Variants in FAT3 observed in about 807,000 individuals in gnomAD.
The protein encoded by FAT3 is FAT atypical cadherin 3, also known as protocadherin Fat 3.
In FAT3, 95 loss-of-function variants were observed where a neutral mutation model predicts 310.2. The observed-to-expected ratio is 0.31, with a 90% CI of 0.26 to 0.36. The LOEUF (loss-of-function observed/expected upper bound fraction) is 0.36, where lower values mean the gene tolerates loss of function less well. Among genes scored for constraint, FAT3 ranks in the 10% least tolerant of loss-of-function variants. The probability of loss-of-function intolerance (pLI) is 1.00; values close to 1 mark genes in which losing one functional copy is unlikely to be tolerated. For synonymous variants in FAT3, 2,314 were observed against 2,192.9 expected (o/e 1.06, Z -1.54); for missense variants, 5,408 against 5,715.6 (o/e 0.95, Z 1.74).
intron 3 of FAT3, among the ~76,000 whole-genome samples, chr11:92,537,063 C>G (rs1036772763): frequency 1.3e-5 from 2 of 152,170 alleles, no homozygotes; most frequent in Admixed American, 6.6e-5. Context: ...TGTACTGCTA[C>G]AGCATTTCCT....
intron 2 of FAT3, among the ~76,000 whole-genome samples, chr11:92,497,368 G>A (rs1354583032): frequency 6.6e-6 from 1 of 152,050 alleles, no homozygotes; most frequent in African/African-American, 2.4e-5. Context: ...ACCAACAGAT[G>A]CGTAATGAAG....
intron 2 of FAT3, among the ~76,000 whole-genome samples, chr11:92,438,540 C>T (rs1469668837): frequency 6.6e-6 from 1 of 152,100 alleles, no homozygotes; most frequent in Non-Finnish European, 1.5e-5. Context: ...CACCAGTTTC[C>T]ATCTCTAGAA....
intron 7 of FAT3, among the ~76,000 whole-genome samples, chr11:92,783,983 A>G (rs1464989250): frequency 1.3e-5 from 2 of 152,204 alleles, no homozygotes; most frequent in East Asian, 1.9e-4. Context: ...TCTATAGCAA[A>G]GTACATAATA....
chr11:92,783,405 G>A (rs1367178004), intron 7 of FAT3, among the ~76,000 whole-genome samples: 2 of 145,110 alleles, frequency 1.4e-5, no homozygotes, highest in Non-Finnish European at 3.0e-5. Flanking sequence ...CTTCCCTTGT[G>A]TATTTAGATT....
chr11:92,552,604 A>G (rs1315088201), intron 3 of FAT3, among the ~76,000 whole-genome samples: 1 of 152,172 alleles, frequency 6.6e-6, no homozygotes, highest in Non-Finnish European at 1.5e-5. Flanking sequence ...TGATTTTTAG[A>G]TTACTGAGTT....
intron 21 of FAT3, among the ~76,000 whole-genome samples, chr11:92,865,508 G>T (rs138569550): frequency 6.6e-6 from 1 of 152,158 alleles, no homozygotes; most frequent in African/African-American, 2.4e-5. Flanking sequence ...ACTAGTGTTA[G>T]TTGCATGACT....
chr11:92,883,017 C>G lies in FAT3; in HGVS notation c.12561C>G (p.Asn4187Lys), dbSNP rs1369113089. 1.2e-6 allele frequency: 2 copies of G among 1,613,944 alleles called. No individual in the cohort carries two copies. Among genetic ancestry groups the G allele is most frequent in the Non-Finnish European group, 1.7e-6 (2 of 1,179,906 alleles). Residue 4187 changes from asparagine to lysine, a missense_variant, in exon 24 of 28, where the codon AAC (asparagine) becomes AAG (lysine). Physicochemically the swap from Asn to Lys is moderately conservative, Grantham distance 94. Coordinates refer to ENST00000525166, the MANE Select transcript of FAT3 (RefSeq NM_001367949.2). This position sits in a 1 kb window ranked among gnomAD's most constrained non-coding sequence, Gnocchi z 4.2. ...KKVFRKNYSR[N>K]NITLVQDPAT... is the part of the protein sequence containing the mutation. Reference sequence around the variant, plus strand: ...TCTTCCGCAAGAACTACTCCCGCAACAACATCACGCTAGTGCAGGACCCGG... The same window carrying G: ...TCTTCCGCAAGAACTACTCCCGCAAGAACATCACGCTAGTGCAGGACCCGG...
At chr11:92,882,689 G>T (rs778669031) in intron 23 of FAT3, 49 bp from the exon 24 acceptor site, 4 of 1,494,310 alleles carry the variant, frequency 2.7e-6, no homozygotes, top group Non-Finnish European at 3.6e-6. Flanking sequence ...GTATACCAAC[G>T]TGTGTGCACT....
intron 1 of FAT3, among the ~76,000 whole-genome samples, chr11:92,240,930 C>T (rs1447162947): frequency 1.3e-5 from 2 of 151,942 alleles, no homozygotes; most frequent in African/African-American, 2.4e-5. Flanking sequence ...GTAGAATCCC[C>T]CCCATGCCCC....
chr11:92,345,751 G>A (rs1948397923), intron 1 of FAT3, among the ~76,000 whole-genome samples: 1 of 152,196 alleles, frequency 6.6e-6, no homozygotes, highest in African/African-American at 2.4e-5. Flanking sequence ...GGCAAGAGCT[G>A]TCAGAGTCAA....
Position 92,844,270 on chromosome 11 carries a change from G to C in FAT3, c.10903G>C (p.Val3635Leu). The change falls in exon 19 of 28, where the codon GTG becomes CTG. Residue 3635 changes from valine (V) to leucine (L), a missense_variant. Val to Leu is a conservative substitution (Grantham distance 32). This residue lies in a region of FAT3 where 4,588 missense variants were observed against 4,809.8 expected (regional missense o/e 0.95). Transcript: ENST00000525166. Reference sequence around the variant, plus strand: ...CTTCCAGGTACCCATTGATGTGGTCGTGCATGTGGAGCAGTTGGTGCATGA... The same window carrying C: ...CTTCCAGGTACCCATTGATGTGGTCCTGCATGTGGAGCAGTTGGTGCATGA... ...GRFQVPIDVV[V>L]HVEQLVHEML... is the part of the protein sequence containing the mutation. 1 of 1,613,970 alleles carries C rather than the reference G, an allele frequency of 6.2e-7. No individual in the cohort carries two copies. The highest frequency in any genetic ancestry group is 2.2e-5 in the East Asian group (1 of 44,886).
intron 20 of FAT3, among the ~76,000 whole-genome samples, chr11:92,858,035 T>G (rs1949026158): frequency 6.6e-6 from 1 of 152,216 alleles, no homozygotes; most frequent in Admixed American, 6.5e-5. Flanking sequence ...GAATCCTCTT[T>G]AGGTATATTT....
chr11:92,732,483 A>G (rs1040903526), intron 4 of FAT3, among the ~76,000 whole-genome samples: 1 of 152,156 alleles, frequency 6.6e-6, no homozygotes, highest in African/African-American at 2.4e-5. Context: ...CCCTCAATGC[A>G]TTTATGGTTT....
intron 2 of FAT3, among the ~76,000 whole-genome samples, chr11:92,480,472 C>T (rs1158724196): frequency 6.6e-6 from 1 of 152,084 alleles, no homozygotes; most frequent in Non-Finnish European, 1.5e-5. Flanking sequence ...ACCACAACTG[C>T]ATTGGTGAGT....
At chr11:92,695,284 G>A (rs188393259) in intron 3 of FAT3, among the ~76,000 whole-genome samples, 145 of 152,282 alleles carry the variant, frequency 9.5e-4, no homozygotes, top group Non-Finnish European at 1.7e-3. Flanking sequence ...CACCCCAAGA[G>A]ATTCTGATAC....
chr11:92,469,235 A>G (rs550505809), intron 2 of FAT3, among the ~76,000 whole-genome samples: 1 of 152,302 alleles, frequency 6.6e-6, no homozygotes, highest in African/African-American at 2.4e-5. Context: ...AATGTTTATG[A>G]AGACAATTAG....
intron 2 of FAT3, among the ~76,000 whole-genome samples, chr11:92,471,883 A>G (rs1951913266): frequency 6.8e-6 from 1 of 147,608 alleles, no homozygotes; most frequent in South Asian, 2.2e-4. Flanking sequence ...ATTGAAAGGT[A>G]AAAGTCTTCA....
chr11:92,618,353 G>C (rs1056435751), intron 3 of FAT3, among the ~76,000 whole-genome samples: 1 of 152,156 alleles, frequency 6.6e-6, no homozygotes, highest in Non-Finnish European at 1.5e-5. Context: ...GGGTGGGAGT[G>C]TCCCGATTTT....
At chr11:92,729,426 A>T (rs913564442) in intron 4 of FAT3, among the ~76,000 whole-genome samples, 2 of 140,436 alleles carry the variant, frequency 1.4e-5, no homozygotes, top group East Asian at 2.1e-4. Context: ...CCCAGACTGA[A>T]TTTTTTTTTT....
Sources: gnomAD v4.1 joint callset for allele counts (sites outside exome capture counted in the v4.1 genomes callset) on GRCh38, gnomAD v4.1.1 for gene constraint, gnomAD v4.1.1 regional missense constraint, Gnocchi (gnomAD v3.1) non-coding constraint, MANE v1.5 for transcripts, NCBI Gene and HGNC (gene_info 2026-07-23, HGNC 2026-07-21) for gene names.